Variants in EEF2K observed in about 807,000 individuals in gnomAD.
EEF2K encodes eukaryotic elongation factor 2 kinase, also known as alternative protein EEF2K.
A neutral mutation model predicts 93.8 loss-of-function variants in EEF2K; 70 were observed. The ratio of observed to expected loss-of-function variants is 0.75; its 90% CI spans 0.62 to 0.91. The LOEUF (loss-of-function observed/expected upper bound fraction) is 0.91, where lower values mean the gene tolerates loss of function less well. EEF2K is among the 40% of genes least tolerant of loss of function. The pLI is 0.00. For synonymous variants in EEF2K, 376 were observed against 380.8 expected (o/e 0.99, Z 0.15); for missense variants, 935 against 972.9 (o/e 0.96, Z 0.52).
intron 2 of EEF2K, among the ~76,000 whole-genome samples, chr16:22,240,855 C>T (rs2004530): frequency 0.041 from 6,228 of 152,128 alleles, 433 homozygotes; most frequent in African/African-American, 0.14. Context: ...CTGCAACCTC[C>T]GCCTCCTGGG....
At chr16:22,250,097 A>G (rs1267431345) in intron 4 of EEF2K, among the ~76,000 whole-genome samples, 1 of 151,554 alleles carries the variant, frequency 6.6e-6, no homozygotes, top group African/African-American at 2.4e-5. Context: ...ATATTTGTAG[A>G]GGGAGGTCTT....
Position 22,258,487 on chromosome 16 carries a change from TC to T in EEF2K, c.1030-4del, listed in dbSNP as rs756589486. 2.0e-5 allele frequency: 32 copies of T among 1,613,646 alleles called. No homozygotes were observed. In the South Asian group the frequency reaches 3.5e-4, roughly 18 times the overall value. On this transcript the variant is annotated splice_region_variant and splice_polypyrimidine_tract_variant and intron_variant, in intron 9 of 17. Coordinates refer to ENST00000263026, the MANE Select transcript of EEF2K (RefSeq NM_013302.5). ...CGTGACATGAGTATCCCTATTAATGTCCCTAGCAATCAGCCAAGACCATCTT... is the reference window on the plus strand; with the variant it reads ...CGTGACATGAGTATCCCTATTAATGTCCTAGCAATCAGCCAAGACCATCTT...
In EEF2K at chr16:22,248,769, C is replaced by T. The variant is rs770023110; in HGVS notation, c.362C>T (p.Thr121Ile). The T allele has an allele frequency of 2.4e-5, 39 of 1,613,854 alleles. No homozygotes were observed. In the South Asian group the frequency reaches 2.9e-4, roughly 12 times the overall value. Residue 121 changes from threonine (T) to isoleucine (I), a missense_variant, in exon 4 of 18, where the codon ACC becomes ATC. Coordinates refer to ENST00000263026, the MANE Select transcript of EEF2K (RefSeq NM_013302.5). ...RATRHRYNAV[T>I]GEWLDDEVLI... The stretch of plus-strand genomic sequence containing the variant: ...GGTCTCTGCAGGTACAACGCCGTCA[C>T]CGGGGAATGGCTGGATGATGAAGTT...
intron 1 of EEF2K, among the ~76,000 whole-genome samples, chr16:22,213,629 T>C (rs1406449859): frequency 6.6e-6 from 1 of 152,218 alleles, no homozygotes; most frequent in African/African-American, 2.4e-5. Flanking sequence ...TTCCTGGGGA[T>C]CAGAAGTTCT....
At chr16:22,263,539 A>G (rs1022710827) in intron 12 of EEF2K, among the ~76,000 whole-genome samples, 3 of 152,212 alleles carry the variant, frequency 2.0e-5, no homozygotes, top group African/African-American at 7.2e-5. Flanking sequence ...AACCCAGAAG[A>G]CAGAGGTTGC....
At position 22,279,627 on chromosome 16, in the gene EEF2K, G is replaced by T. The variant is rs564304699; in HGVS notation, c.1890-571G>T. ...TACATTATTTTTGACTATAGTCACTGTTTTTTTGTTGTGTTTTTGTTTTTT... is the reference window on the plus strand; with the variant it reads ...TACATTATTTTTGACTATAGTCACTTTTTTTTTGTTGTGTTTTTGTTTTTT... On this transcript the variant is annotated intron_variant, in intron 16 of 17. Transcript: ENST00000263026. Among the ~76,000 whole-genome samples the T allele has an allele frequency of 7.7e-4, 117 of 152,098 alleles. 1 individual carries two copies. The highest frequency in any genetic ancestry group is 2.6e-3 in the African/African-American group (107 of 41,506).
rs867602248 is a variant in EEF2K at position 22,261,645 on chromosome 16, G to A, written c.1299+1116G>A. Among the ~76,000 whole-genome samples the A allele has an allele frequency of 3.6e-5, 5 of 140,406 alleles. No individual in the cohort carries two copies. In the South Asian group the frequency reaches 6.9e-4, roughly 19 times the overall value. The allele number at this position is 140,406 out of a possible 152,430, so 92.1% of individuals were successfully genotyped here. A position where few individuals can be genotyped will look rare whatever the true frequency, so the allele number is the denominator to read the frequency against. ...GCGGAGGTTGCAGTGAGCAGAGGTCGCACCACTGCACTCCAACCTGGGCGA... is the reference window on the plus strand; with the variant it reads ...GCGGAGGTTGCAGTGAGCAGAGGTCACACCACTGCACTCCAACCTGGGCGA... On this transcript the variant is annotated intron_variant, in intron 11 of 17. Coordinates refer to ENST00000263026, the MANE Select transcript of EEF2K (RefSeq NM_013302.5).
At chr16:22,257,004 C>A in intron 7 of EEF2K, 107 bp downstream of exon 7, 2 of 1,519,926 alleles carry the variant, frequency 1.3e-6, no homozygotes, top group Non-Finnish European at 8.8e-7. Context: ...TGGAGTCTCA[C>A]CCCCAGAGAA....
At chr16:22,277,115 G>C (rs1434923757) in intron 16 of EEF2K, among the ~76,000 whole-genome samples, 1 of 152,036 alleles carries the variant, frequency 6.6e-6, no homozygotes, top group African/African-American at 2.4e-5. Flanking sequence ...TTTTCAAATG[G>C]TCCATTTTTT....
At chr16:22,235,151 T>C (rs2047155745) in intron 2 of EEF2K, among the ~76,000 whole-genome samples, 1 of 151,842 alleles carries the variant, frequency 6.6e-6, no homozygotes, top group Non-Finnish European at 1.5e-5. Context: ...GAGGCAGAGA[T>C]TGCAGTGAGC....
intron 6 of EEF2K, among the ~76,000 whole-genome samples, chr16:22,256,449 G>T (rs2047399842): frequency 6.6e-6 from 1 of 151,838 alleles, no homozygotes; most frequent in Non-Finnish European, 1.5e-5. Flanking sequence ...TGGCCAGGCT[G>T]GTCTCGAACT....
intron 3 of EEF2K, among the ~76,000 whole-genome samples, chr16:22,247,336 T>C (rs1340262321): frequency 6.6e-6 from 1 of 151,482 alleles, no homozygotes; most frequent in Non-Finnish European, 1.5e-5. Flanking sequence ...TAATCCCAGC[T>C]ACTCGGAAGG....
intron 1 of EEF2K, among the ~76,000 whole-genome samples, chr16:22,215,890 A>G (rs1168688289): frequency 6.6e-6 from 1 of 152,178 alleles, no homozygotes; most frequent in Non-Finnish European, 1.5e-5. Context: ...ACGCCACTGC[A>G]CTCCAGCCTG....
chr16:22,222,669 A>G lies in EEF2K; in HGVS notation c.-76-2985A>G, dbSNP rs1195990478. ...CAGATCACAAGTTCAGGAGTTCGAG[A>G]ACAGCCTGGCCAACATGGTGAAACC... On this transcript the variant is annotated intron_variant, in intron 1 of 17. Transcript: ENST00000263026. Among the ~76,000 whole-genome samples, 27 of 149,208 alleles carry G rather than the reference A, an allele frequency of 1.8e-4. 1 individual carries two copies. Among genetic ancestry groups the G allele is most frequent in the Non-Finnish European group, 1.5e-5 (1 of 67,442 alleles).
intron 11 of EEF2K, among the ~76,000 whole-genome samples, chr16:22,261,533 T>C (rs2047461969): frequency 6.6e-6 from 1 of 150,812 alleles, no homozygotes; most frequent in Non-Finnish European, 1.5e-5. Context: ...CTACTAAAAA[T>C]ACAAAAATTA....
chr16:22,207,287 G>C (rs2046872847), intron 1 of EEF2K, among the ~76,000 whole-genome samples: 1 of 152,164 alleles, frequency 6.6e-6, no homozygotes, highest in Admixed American at 6.5e-5. Context: ...CGGGGAACCA[G>C]CCCAGCTGCG....
chr16:22,240,004 G>A (rs956242386), intron 2 of EEF2K, among the ~76,000 whole-genome samples: 2 of 151,698 alleles, frequency 1.3e-5, no homozygotes, highest in African/African-American at 2.4e-5. Context: ...TCAGGAGGCT[G>A]AGGCAGGAGA....
At chr16:22,247,696 A>C (rs2047309333) in intron 3 of EEF2K, among the ~76,000 whole-genome samples, 1 of 152,184 alleles carries the variant, frequency 6.6e-6, no homozygotes. Flanking sequence ...GAACCTCAGC[A>C]TAAAATCGGA....
At chr16:22,247,144 A>G (rs2141667010) in intron 3 of EEF2K, among the ~76,000 whole-genome samples, 1 of 151,510 alleles carries the variant, frequency 6.6e-6, no homozygotes, top group South Asian at 2.1e-4. Context: ...CATAAAGCTT[A>G]AAAATATTAC....
Sources: allele counts gnomAD v4.1 joint callset (sites outside exome capture counted in the v4.1 genomes callset), GRCh38; gene constraint gnomAD v4.1.1; transcripts MANE v1.5; gene names NCBI Gene and HGNC (gene_info 2026-07-23, HGNC 2026-07-21).